LAMA4: variants seen among roughly 807,000 people sequenced by gnomAD.
LAMA4 encodes laminin subunit alpha 4.
A neutral mutation model predicts 207.1 loss-of-function variants in LAMA4; 127 were observed. The ratio of observed to expected loss-of-function variants is 0.61; its 90% CI spans 0.53 to 0.71. The LOEUF (loss-of-function observed/expected upper bound fraction) is 0.71. Among genes scored for constraint, LAMA4 ranks in the 30% least tolerant of loss-of-function variants. The pLI, the probability that LAMA4 is intolerant of heterozygous loss-of-function variation, is 0.00. For missense variants in LAMA4, 2,093 were observed against 2,246.5 expected (o/e 0.93, Z 1.38); for synonymous variants, 761 against 816.0 (o/e 0.93, Z 1.15).
At chr6:112,158,341 T>A (rs2114794845) in intron 14 of LAMA4, 1 of 226,136 alleles carries the variant, frequency 4.4e-6, no homozygotes, top group Non-Finnish European at 8.8e-6. Flanking sequence ...ATAGGTAATG[T>A]TAGAATTAGA....
In LAMA4 at chr6:112,195,823, G is replaced by A. The variant is rs188710955; in HGVS notation, c.504-3973C>T. On this transcript the variant is annotated intron_variant, in intron 5 of 38. Transcript: ENST00000230538. ...CATATGACTGAAAATGGTATTGAAC[G>A]TTGAGGGTCTTGGGTTTTAGTTTTG... Among the ~76,000 whole-genome samples, 14 of 152,184 alleles carry A rather than the reference G, an allele frequency of 9.2e-5. No individual in the cohort carries two copies. In the East Asian group the frequency reaches 2.3e-3, roughly 25 times the overall value.
intron 3 of LAMA4, among the ~76,000 whole-genome samples, chr6:112,215,935 G>A (rs1784601170): frequency 6.6e-6 from 1 of 152,150 alleles, no homozygotes; most frequent in Admixed American, 6.5e-5. Flanking sequence ...AACTAATTTT[G>A]ATCTATAGAC....
At chr6:112,202,438 AT>A (rs2115006050) in intron 4 of LAMA4, among the ~76,000 whole-genome samples, 1 of 96,172 alleles carries the variant, frequency 1.0e-5, no homozygotes, top group African/African-American at 6.1e-5. Context: ...TGTGTGGGGC[AT>A]AGGGGTGTGT....
At chr6:112,231,680 A>C (rs1554364501) in intron 2 of LAMA4, among the ~76,000 whole-genome samples, 1 of 152,210 alleles carries the variant, frequency 6.6e-6, no homozygotes, top group Admixed American at 6.5e-5. Flanking sequence ...GCATGTGTGC[A>C]GGTGTTTCCC....
chr6:112,182,107 A>G (rs1188983800), intron 9 of LAMA4, among the ~76,000 whole-genome samples: 1 of 22,970 alleles, frequency 4.4e-5, no homozygotes, highest in African/African-American at 1.4e-4. Context: ...AAAATAAATA[A>G]ATAAATAAAT....
At chr6:112,141,298 A>C in intron 21 of LAMA4, 60 bp downstream of exon 21, 1 of 1,473,980 alleles carries the variant, frequency 6.8e-7, no homozygotes, top group African/African-American at 1.4e-5. Flanking sequence ...GCACATGTGC[A>C]CGTTCAACAG....
intron 12 of LAMA4, among the ~76,000 whole-genome samples, chr6:112,166,912 ACAG>A (rs1781414346): frequency 6.6e-6 from 1 of 152,216 alleles, no homozygotes; most frequent in Admixed American, 6.5e-5. Flanking sequence ...AGCAACAGCA[ACAG>A]CAACAAAAAC....
intron 12 of LAMA4, among the ~76,000 whole-genome samples, chr6:112,169,489 A>G (rs1554341143): frequency 6.6e-6 from 1 of 152,252 alleles, no homozygotes; most frequent in Non-Finnish European, 1.5e-5. Context: ...AGACCCACAA[A>G]TAAATCCCTT....
chr6:112,235,027 G>A (rs1292686391), intron 2 of LAMA4, among the ~76,000 whole-genome samples: 1 of 152,180 alleles, frequency 6.6e-6, no homozygotes, highest in African/African-American at 2.4e-5. Context: ...CCATACTGAG[G>A]ATCCTCCTGA....
At chr6:112,211,803 G>C (rs1784368284) in intron 3 of LAMA4, among the ~76,000 whole-genome samples, 1 of 152,198 alleles carries the variant, frequency 6.6e-6, no homozygotes, top group Non-Finnish European at 1.5e-5. Flanking sequence ...GTGGCAGTGT[G>C]CTCAGTGTGG....
At chr6:112,131,418 G>A (rs576264589) in intron 28 of LAMA4, among the ~76,000 whole-genome samples, 3 of 152,084 alleles carry the variant, frequency 2.0e-5, no homozygotes, top group Admixed American at 6.6e-5. Context: ...TAATCCCTTC[G>A]AATAGATGAT....
intron 13 of LAMA4, among the ~76,000 whole-genome samples, chr6:112,163,584 C>A (rs1781209676): frequency 6.6e-6 from 1 of 151,908 alleles, no homozygotes; most frequent in South Asian, 2.1e-4. Context: ...GTGACCTGGA[C>A]AGGAACAGTC....
At chr6:112,112,264 C>T (rs1192611925) in intron 38 of LAMA4, among the ~76,000 whole-genome samples, 1 of 152,092 alleles carries the variant, frequency 6.6e-6, no homozygotes, top group Non-Finnish European at 1.5e-5. Context: ...AACAAAGGTA[C>T]TAGGGGAGGA....
intron 13 of LAMA4, among the ~76,000 whole-genome samples, chr6:112,160,670 C>A (rs1781002055): frequency 6.6e-6 from 1 of 152,164 alleles, no homozygotes; most frequent in Admixed American, 6.5e-5. Flanking sequence ...AAACTCTTTT[C>A]TTTTCCTAGC....
Position 112,178,122 on chromosome 6 carries a change from T to C in LAMA4, c.1188A>G (p.Gln396=), listed in dbSNP as rs1782129636. ...TGAACCAGAAGAGAATATATTTACC[T>C]TGGATTTTATCCCTCATATCATGGG... ...EQAHDMRDKI[Q]EINNKMLYYG... is the part of the protein sequence containing the mutation. The change falls in exon 10 of 39, where the codon CAA becomes CAG. Residue 396 remains glutamine (Q), a splice_region_variant and synonymous_variant. Transcript: ENST00000230538. 6.3e-7 allele frequency: 1 copy of C among 1,599,224 alleles called. No individual in the cohort carries two copies. Among genetic ancestry groups the C allele is most frequent in the African/African-American group, 1.3e-5 (1 of 74,742 alleles).
intron 2 of LAMA4, among the ~76,000 whole-genome samples, chr6:112,238,346 C>T (rs1554366818): frequency 1.3e-5 from 2 of 151,984 alleles, no homozygotes. Context: ...ATCGAGTGTC[C>T]CTGGATACCT....
chr6:112,122,273 T>A (rs2114601878), intron 31 of LAMA4, 72 bp from the exon 32 acceptor site: 7 of 1,087,934 alleles, frequency 6.4e-6, no homozygotes, highest in Non-Finnish European at 9.8e-6. Context: ...GATGTCCTCA[T>A]CATTAATAAG....
At chr6:112,155,178 C>A (rs1436057994) in intron 15 of LAMA4, 1 of 601,334 alleles carries the variant, frequency 1.7e-6, no homozygotes, top group South Asian at 2.0e-5. Context: ...TAGAACAAAG[C>A]CCTGGCCAAG....
chr6:112,134,382 G>GC, intron 26 of LAMA4, 85 bp downstream of exon 26: 2 of 1,345,406 alleles, frequency 1.5e-6, no homozygotes, highest in Non-Finnish European at 2.1e-6. Flanking sequence ...AAGTAAGGGT[G>GC]CGTACACTGT....
Sources: gnomAD v4.1 joint callset for allele counts (sites outside exome capture counted in the v4.1 genomes callset) on GRCh38, gnomAD v4.1.1 for gene constraint, MANE v1.5 for transcripts, NCBI Gene and HGNC (gene_info 2026-07-23, HGNC 2026-07-21) for gene names.